LRP11: variants seen among roughly 807,000 people sequenced by gnomAD.
LRP11 encodes the protein low-density lipoprotein receptor-related protein 11.
In LRP11, 25 loss-of-function variants were observed where a neutral mutation model predicts 43.1. The observed-to-expected ratio is 0.58, with a 90% CI of 0.42 to 0.81. LRP11 has a LOEUF of 0.81. LRP11 is among the 30% of genes least tolerant of loss of function. The pLI, the probability that LRP11 is intolerant of heterozygous loss-of-function variation, is 0.00. For synonymous variants in LRP11, 316 were observed against 299.4 expected (o/e 1.06, Z -0.57); for missense variants, 623 against 665.1 (o/e 0.94, Z 0.70).
intron 5 of LRP11, among the ~76,000 whole-genome samples, chr6:149,830,260 C>T (rs1031470328): frequency 2.0e-5 from 3 of 152,104 alleles, no homozygotes; most frequent in African/African-American, 4.8e-5. Flanking sequence ...ATCCACCCGC[C>T]GTGGCCTCCC....
rs78898379 is a variant in LRP11 at position 149,857,504 on chromosome 6, C to CAA, written c.614-4346_614-4345dup. Among the ~76,000 whole-genome samples the CAA allele has an allele frequency of 6.0e-3, 728 of 120,860 alleles. 8 individuals carry two copies. The highest frequency in any genetic ancestry group is 0.019 in the African/African-American group (684 of 35,264). 79.3% of individuals were successfully genotyped at this position (120,860 alleles called of 152,430 possible). ...TGCATAACAAAGTGAGTCCCTGTGT[C>CAA]AAAAAAAAAAAAAAAAGTAAAAAGA... On this transcript the variant is annotated intron_variant, in intron 1 of 6. Coordinates refer to ENST00000239367, the MANE Select transcript of LRP11 (RefSeq NM_032832.6).
At chr6:149,837,784 C>CA (rs1776492684) in intron 3 of LRP11, among the ~76,000 whole-genome samples, 1 of 152,176 alleles carries the variant, frequency 6.6e-6, no homozygotes, top group Non-Finnish European at 1.5e-5. Context: ...CTGTCTCCCT[C>CA]TTCATTCATT....
At chr6:149,836,450 C>T (rs1776472817) in intron 4 of LRP11, among the ~76,000 whole-genome samples, 153 bp from the exon 5 acceptor site, 1 of 152,194 alleles carries the variant, frequency 6.6e-6, no homozygotes, top group African/African-American at 2.4e-5. Context: ...AAAATCTATT[C>T]TCACGTTTTC....
At chr6:149,858,255 T>A (rs1246937230) in intron 1 of LRP11, among the ~76,000 whole-genome samples, 1 of 152,170 alleles carries the variant, frequency 6.6e-6, no homozygotes, top group Non-Finnish European at 1.5e-5. Flanking sequence ...TGTCCGTGTG[T>A]TCTCATTGTT....
intron 6 of LRP11, among the ~76,000 whole-genome samples, chr6:149,824,019 C>T (rs948368850): frequency 6.6e-6 from 1 of 152,122 alleles, no homozygotes; most frequent in Non-Finnish European, 1.5e-5. Context: ...CCCAAGGTGT[C>T]ATTCTCCCTC....
rs1481694339 is a variant in LRP11 at position 149,837,242 on chromosome 6, G to A, written c.1039+96C>T. ...AAAGTTATAACTAAAATCAAGCAGG[G>A]GAAGGACACTGTGTTTGCATTTCAT... On this transcript the variant is annotated intron_variant, in intron 4 of 6. Coordinates refer to ENST00000239367, the MANE Select transcript of LRP11 (RefSeq NM_032832.6). 6.0e-6 allele frequency: 8 copies of A among 1,343,012 alleles called. No homozygotes were observed. In the East Asian group the frequency reaches 1.7e-4, roughly 28 times the overall value. 83.2% of individuals were successfully genotyped at this position (1,343,012 alleles called of 1,614,324 possible).
At chr6:149,835,963 CTTAATT>C (rs757719347) in intron 5 of LRP11, 116 bp downstream of exon 5, 46 of 936,720 alleles carry the variant, frequency 4.9e-5, no homozygotes, top group Non-Finnish European at 6.7e-5. Flanking sequence ...TGGCCAAATT[CTTAATT>C]TTAACTCTTA....
chr6:149,859,396 A>ATATATATATATATATTT, intron 1 of LRP11, among the ~76,000 whole-genome samples: 1 of 71,496 alleles, frequency 1.4e-5, no homozygotes, highest in African/African-American at 8.2e-5. Flanking sequence ...ATATATATAT[A>ATATATATATATATATTT]TTTTTTTTTT....
intron 2 of LRP11, among the ~76,000 whole-genome samples, chr6:149,846,195 C>T (rs1459858893): frequency 6.6e-6 from 1 of 152,210 alleles, no homozygotes; most frequent in African/African-American, 2.4e-5. Flanking sequence ...GGTGGTGAAG[C>T]TCAGAGCTGC....
intron 3 of LRP11, among the ~76,000 whole-genome samples, chr6:149,840,989 CT>C (rs1184214247): frequency 6.6e-6 from 1 of 152,180 alleles, no homozygotes; most frequent in Non-Finnish European, 1.5e-5. Context: ...CACTGGTGAC[CT>C]CACAGTGCTG....
In LRP11 at chr6:149,833,562, T is replaced by C. The variant is rs144627810; in HGVS notation, c.1252+2523A>G. ...GAATAAATATGTATATGTGTATGAA[T>C]AGAAGTAACCAGAAGAAAATGCGAC... On this transcript the variant is annotated intron_variant, in intron 5 of 6. Transcript: ENST00000239367. Among the ~76,000 whole-genome samples the C allele has an allele frequency of 1.2e-3, 180 of 152,350 alleles. 5 individuals carry two copies. The East Asian group carries it at 0.023, about 20-fold the overall frequency.
intron 6 of LRP11, among the ~76,000 whole-genome samples, chr6:149,824,169 T>C (rs1300381161): frequency 1.3e-5 from 2 of 152,192 alleles, no homozygotes; most frequent in Non-Finnish European, 2.9e-5. Context: ...CCGGGGGACT[T>C]GCTTAAAGAT....
chr6:149,829,752 A>G (rs1280129228), intron 5 of LRP11, among the ~76,000 whole-genome samples: 1 of 152,040 alleles, frequency 6.6e-6, no homozygotes, highest in Non-Finnish European at 1.5e-5. Flanking sequence ...CCCAATGAAG[A>G]TGAGAGCTTG....
chr6:149,824,344 C>T (rs899956008), intron 6 of LRP11, among the ~76,000 whole-genome samples: 1 of 152,182 alleles, frequency 6.6e-6, no homozygotes, highest in Non-Finnish European at 1.5e-5. Context: ...TGATCTGATT[C>T]CTGTTTAATG....
chr6:149,850,220 T>C (rs1254599176), intron 2 of LRP11, among the ~76,000 whole-genome samples: 3 of 152,174 alleles, frequency 2.0e-5, no homozygotes, highest in Non-Finnish European at 4.4e-5. Flanking sequence ...CTCAACAACC[T>C]TCAAACTTAG....
chr6:149,834,466 G>A (rs1776447479), intron 5 of LRP11, among the ~76,000 whole-genome samples: 1 of 152,224 alleles, frequency 6.6e-6, no homozygotes, highest in African/African-American at 2.4e-5. Context: ...CAGCTAATTT[G>A]TTCATGCTCA....
chr6:149,824,400 A>G (rs1487393899), intron 6 of LRP11, among the ~76,000 whole-genome samples: 1 of 152,246 alleles, frequency 6.6e-6, no homozygotes, highest in East Asian at 1.9e-4. Flanking sequence ...ACTTGCCAGA[A>G]TATTGAAAAT....
chr6:149,859,396 A>ATATATATATATATATATATATATATTTTT, intron 1 of LRP11, among the ~76,000 whole-genome samples: 1 of 71,492 alleles, frequency 1.4e-5, no homozygotes. Flanking sequence ...ATATATATAT[A>ATATATATATATATATATATATATATTTTT]TTTTTTTTTT....
intron 1 of LRP11, among the ~76,000 whole-genome samples, chr6:149,859,389 TATATA>T (rs1196910907): frequency 3.3e-5 from 3 of 89,798 alleles, no homozygotes; most frequent in Non-Finnish European, 6.2e-5. Context: ...TATATATATA[TATATA>T]TATTTTTTTT....
Sources: gnomAD v4.1 joint callset for allele counts (sites outside exome capture counted in the v4.1 genomes callset) on GRCh38, gnomAD v4.1.1 for gene constraint, MANE v1.5 for transcripts, NCBI Gene and HGNC (gene_info 2026-07-23, HGNC 2026-07-21) for gene names.